Variants in CLDN18 observed in about 807,000 individuals in gnomAD.
The protein encoded by CLDN18 is claudin-18.
In CLDN18, 20 loss-of-function variants were observed where a neutral mutation model predicts 25.0. That is an observed-to-expected ratio of 0.80 (90% confidence interval 0.56 to 1.16). The LOEUF (loss-of-function observed/expected upper bound fraction) is 1.16. Ranked by LOEUF, CLDN18 falls within the 50% of genes most tolerant of loss-of-function variation. The pLI, the probability that CLDN18 is intolerant of heterozygous loss-of-function variation, is 0.00. For missense variants in CLDN18, 297 were observed against 345.4 expected, an observed-to-expected ratio of 0.86 and a Z score of 1.11; for synonymous variants, 125 against 135.6, an observed-to-expected ratio of 0.92 and a Z score of 0.54.
chr3:138,023,858 T>C, intron 2 of CLDN18, 36 bp downstream of exon 2: 1 of 1,584,702 alleles, frequency 6.3e-7, no homozygotes, highest in Non-Finnish European at 8.6e-7. Context: ...CTTCTGCGAA[T>C]GTCAAAGCAA....
At position 138,031,818 on chromosome 3, in the gene CLDN18, C is replaced by T. The variant is rs956881486; in HGVS notation, c.*677C>T. On this transcript the variant is annotated 3_prime_UTR_variant, in exon 5 of 5. Coordinates refer to ENST00000183605, the MANE Select transcript of CLDN18 (RefSeq NM_016369.4). ...AGTTTCCTGAGCTCTCCACTGGAGT[C>T]CTCTTTCTGTCGCGGGTCAGAAATT... 3.3e-5 allele frequency: 5 copies of T among 152,134 alleles called. No individual in the cohort carries two copies. Among genetic ancestry groups the T allele is most frequent in the African/African-American group, 1.2e-4 (5 of 41,426 alleles). 9.4% of individuals were successfully genotyped at this position (152,134 alleles called of 1,614,324 possible).
chr3:138,002,303 G>GA (rs924938029), intron 1 of CLDN18, among the ~76,000 whole-genome samples: 52 of 151,088 alleles, frequency 3.4e-4, no homozygotes, highest in Admixed American at 2.5e-3. Context: ...GAATTAGACG[G>GA]AAAAAAAAAG....
chr3:138,000,023 A>G (rs1385236623), intron 1 of CLDN18, among the ~76,000 whole-genome samples: 4 of 152,186 alleles, frequency 2.6e-5, no homozygotes, highest in African/African-American at 9.7e-5. Flanking sequence ...AATGGAAAAT[A>G]TGGGGCTTTC....
chr3:138,026,522 G>C (rs543510810), intron 3 of CLDN18, among the ~76,000 whole-genome samples: 1 of 152,294 alleles, frequency 6.6e-6, no homozygotes, highest in South Asian at 2.1e-4. Flanking sequence ...GCAGGCGCCT[G>C]TAGTCCCAGC....
chr3:138,010,483 C>T, intron 1 of CLDN18, 38 bp downstream of exon 1: 3 of 1,610,354 alleles, frequency 1.9e-6, no homozygotes, highest in Non-Finnish European at 2.5e-6. Flanking sequence ...CCAGGTGAAC[C>T]AGGTGAGCAG....
At chr3:138,013,565 T>C (rs1434215789) in intron 1 of CLDN18, among the ~76,000 whole-genome samples, 2 of 152,188 alleles carry the variant, frequency 1.3e-5, no homozygotes, top group African/African-American at 4.8e-5. Context: ...CACATGTCAC[T>C]CACAGTGCGT....
In CLDN18 at chr3:138,010,296, C is replaced by T; in HGVS notation, c.71C>T (p.Ala24Val). The T allele has an allele frequency of 6.2e-7, 1 of 1,614,154 alleles. No individual in the cohort carries two copies. Residue 24 changes from alanine (A) to valine (V), a missense_variant, in exon 1 of 5, where the codon GCC becomes GTC. By Grantham distance (64) the Ala-to-Val change is moderately conservative. Transcript: ENST00000183605. ...SILGLAGCIA[A>V]TGMDMWSTQD... ...CTGGGGCTGGCCGGCTGCATCGCGG[C>T]CACCGGGATGGACATGTGGAGCACC...
upstream of CLDN18, among the ~76,000 whole-genome samples, chr3:138,007,912 G>A (rs1942086631): frequency 6.6e-6 from 1 of 152,102 alleles, no homozygotes; most frequent in African/African-American, 2.4e-5. Context: ...GGGACACACT[G>A]CCATCAACAT....
exon 1 of CLDN18, chr3:137,999,088 G>A: frequency 6.2e-7 from 1 of 1,613,980 alleles, no homozygotes; most frequent in Non-Finnish European, 8.5e-7. Flanking sequence ...GGGGCTGCCA[G>A]GTAAGGGCCA....
chr3:138,023,901 C>T (rs1942296968), intron 2 of CLDN18, 79 bp downstream of exon 2: 1 of 1,411,282 alleles, frequency 7.1e-7, no homozygotes, highest in African/African-American at 1.4e-5. Flanking sequence ...TGACTCCTCC[C>T]TACTGCTGAA....
intron 1 of CLDN18, among the ~76,000 whole-genome samples, chr3:138,015,772 TATTAA>T (rs1453981397): frequency 6.6e-6 from 1 of 152,246 alleles, no homozygotes; most frequent in Non-Finnish European, 1.5e-5. Flanking sequence ...CATTGCCAGT[TATTAA>T]ATTCTTCCTA....
upstream of CLDN18, chr3:138,010,142 C>T (rs2289767): frequency 5.7e-4 from 860 of 1,521,034 alleles, 22 homozygotes; most frequent in East Asian, 0.021. Flanking sequence ...TAGAAGAGCT[C>T]CCCTCAGGAG....
upstream of CLDN18, among the ~76,000 whole-genome samples, chr3:138,006,990 T>A (rs1314760732): frequency 2.0e-5 from 3 of 152,232 alleles, no homozygotes; most frequent in Non-Finnish European, 4.4e-5. Flanking sequence ...GGGGGGGAAT[T>A]GCCATAGATG....
chr3:138,008,795 A>G (rs1942096440), upstream of CLDN18, among the ~76,000 whole-genome samples: 2 of 151,938 alleles, frequency 1.3e-5, no homozygotes, highest in African/African-American at 4.8e-5. Context: ...GTGTGGTGGT[A>G]TGCATGTATA....
At chr3:138,024,863 C>T (rs559252550) in intron 3 of CLDN18, 139 bp downstream of exon 3, 1 of 582,212 alleles carries the variant, frequency 1.7e-6, no homozygotes, top group Non-Finnish European at 3.1e-6. Flanking sequence ...TATCATAAAT[C>T]AACAATCACC....
At chr3:138,023,383 G>A (rs935840415) in intron 1 of CLDN18, among the ~76,000 whole-genome samples, 2 of 151,964 alleles carry the variant, frequency 1.3e-5, no homozygotes, top group Non-Finnish European at 2.9e-5. Flanking sequence ...CAATCCAAGG[G>A]CCCCCCCAAG....
chr3:138,018,335 C>CTTT (rs1219927158), intron 1 of CLDN18, among the ~76,000 whole-genome samples: 18 of 129,710 alleles, frequency 1.4e-4, no homozygotes, highest in South Asian at 2.4e-4. Flanking sequence ...CCCTCAAGGC[C>CTTT]TTTTTTTTTT....
At chr3:138,030,829 C>A (rs1942383099) in intron 4 of CLDN18, 141 bp from the exon 5 acceptor site, 2 of 709,166 alleles carry the variant, frequency 2.8e-6, no homozygotes, top group Non-Finnish European at 4.7e-6. Context: ...AGGTTACTAA[C>A]TATCCTGGTT....
chr3:138,010,170 T>C lies in CLDN18; in HGVS notation c.-56T>C. 6.3e-7 allele frequency: 1 copy of C among 1,584,852 alleles called. No homozygotes were observed. Among genetic ancestry groups the C allele is most frequent in the Non-Finnish European group, 8.6e-7 (1 of 1,165,796 alleles). On this transcript the variant is annotated 5_prime_UTR_variant, in exon 1 of 5. Coordinates refer to ENST00000183605, the MANE Select transcript of CLDN18 (RefSeq NM_016369.4). ...CTCAGGAGCGCGTTAGCTTCACACC[T>C]TCGGCAGCAGGAGGGCGGCAGCTTC...
Sources: allele counts gnomAD v4.1 joint callset (sites outside exome capture counted in the v4.1 genomes callset), GRCh38; gene constraint gnomAD v4.1.1; transcripts MANE v1.5; gene names NCBI Gene and HGNC (gene_info 2026-07-23, HGNC 2026-07-21).